The following EPHA5 variants were observed in gnomAD, a reference collection of about 807,000 sequenced individuals.
EPHA5 encodes ephrin type-A receptor 5.
EPHA5 carries 60 observed loss-of-function variants against 105.0 expected under a neutral mutation model. The ratio of observed to expected loss-of-function variants is 0.57; its 90% CI spans 0.46 to 0.71. The LOEUF (loss-of-function observed/expected upper bound fraction) is 0.71. EPHA5 is among the 30% of genes least tolerant of loss of function. The pLI is 0.00. For synonymous variants in EPHA5, 513 were observed against 449.1 expected (o/e 1.14, Z -1.80); for missense variants, 1,218 against 1,274.7 (o/e 0.96, Z 0.68).
rs1262868511 is a variant in EPHA5, at chr4:65,386,681, AT to A, written c.1793+17692del. Among the ~76,000 whole-genome samples, 9 of 152,114 alleles carry A rather than the reference AT, an allele frequency of 5.9e-5. No individual in the cohort carries two copies. The East Asian group carries it at 1.6e-3, about 26-fold the overall frequency. On this transcript the variant is annotated intron_variant, in intron 8 of 16. Coordinates refer to ENST00000613740, the MANE Select transcript of EPHA5 (RefSeq NM_001281766.3). ...TTTTAAAATATTTTTAATTGCTCAT[AT>A]AAATTTTATATTGTTATGTTAAGTA...
At chr4:65,468,613 T>A (rs1728976833) in intron 5 of EPHA5, among the ~76,000 whole-genome samples, 2 of 126,838 alleles carry the variant, frequency 1.6e-5, no homozygotes, top group African/African-American at 3.2e-5. Flanking sequence ...TTATATATAT[T>A]ATATATATAT....
chr4:65,575,217 G>T (rs2149385012), intron 3 of EPHA5, among the ~76,000 whole-genome samples: 1 of 152,200 alleles, frequency 6.6e-6, no homozygotes, highest in African/African-American at 2.4e-5. Flanking sequence ...TCCACTGAAA[G>T]TTGACAGACC....
At chr4:65,510,825 G>C (rs1733549902) in intron 3 of EPHA5, among the ~76,000 whole-genome samples, 3 of 152,178 alleles carry the variant, frequency 2.0e-5, no homozygotes, top group Admixed American at 6.5e-5. Flanking sequence ...TGCTAGACTT[G>C]TATATGATGC....
intron 1 of EPHA5, among the ~76,000 whole-genome samples, chr4:65,648,140 C>T (rs889699702): frequency 3.9e-5 from 6 of 152,122 alleles, no homozygotes; most frequent in Non-Finnish European, 8.8e-5. Context: ...GAGCAAAGAG[C>T]AAATAAATAA....
rs10155327 is a variant in EPHA5 at position 65,322,927 on chromosome 4, C to T, written c.*1187G>A. ...TGAGTCAAAATGGGAATGGTTACAA[C>T]GGATTAACACTTAAGGGTGATGCTT... is the stretch of plus-strand genomic sequence containing the variant. On this transcript the variant is annotated 3_prime_UTR_variant, in exon 17 of 17. Transcript: ENST00000613740. 22 of 228,780 alleles carry T rather than the reference C, an allele frequency of 9.6e-5. No individual in the cohort carries two copies. The highest frequency in any genetic ancestry group is 2.0e-4 in the African/African-American group (9 of 45,088). The allele number at this position is 228,780 out of a possible 1,614,324, so 14.2% of individuals were successfully genotyped here. A position where few individuals can be genotyped will look rare whatever the true frequency, so the allele number is the denominator to read the frequency against.
chr4:65,462,268 C>A (rs1463474307), intron 5 of EPHA5, among the ~76,000 whole-genome samples: 2 of 152,080 alleles, frequency 1.3e-5, no homozygotes, highest in African/African-American at 4.8e-5. Context: ...TGTCTTTCCC[C>A]TCAGTAAGAA....
intron 3 of EPHA5, among the ~76,000 whole-genome samples, chr4:65,584,836 T>C (rs1218887515): frequency 1.3e-5 from 2 of 152,012 alleles, no homozygotes; most frequent in Non-Finnish European, 2.9e-5. Flanking sequence ...AATCTTCCTA[T>C]TTAATTATTT....
intron 2 of EPHA5, among the ~76,000 whole-genome samples, chr4:65,614,956 C>T (rs1206923694): frequency 6.6e-6 from 1 of 151,574 alleles, no homozygotes; most frequent in Non-Finnish European, 1.5e-5. Flanking sequence ...AATCATCATA[C>T]AAGAGTTAAT....
At chr4:65,430,414 GA>G (rs140099315) in intron 5 of EPHA5, among the ~76,000 whole-genome samples, 5,053 of 152,020 alleles carry the variant, frequency 0.033, 89 homozygotes, top group Admixed American at 0.063. Flanking sequence ...TTTGCTTTGA[GA>G]ATTGTTTAAC....
chr4:65,439,440 C>T (rs915862960), intron 5 of EPHA5, among the ~76,000 whole-genome samples: 1 of 150,910 alleles, frequency 6.6e-6, no homozygotes, highest in Non-Finnish European at 1.5e-5. Context: ...CCACACCACC[C>T]CCCGCTGCCC....
chr4:65,643,144 G>A (rs994380343), intron 2 of EPHA5, among the ~76,000 whole-genome samples: 1 of 151,980 alleles, frequency 6.6e-6, no homozygotes, highest in Non-Finnish European at 1.5e-5. Context: ...AATACTCAGA[G>A]AGGAAATAAT....
intron 5 of EPHA5, among the ~76,000 whole-genome samples, chr4:65,455,247 A>G (rs1467378331): frequency 1.3e-5 from 2 of 152,072 alleles, no homozygotes; most frequent in Admixed American, 6.5e-5. Context: ...AGTAAAATAA[A>G]ATAAAATAAA....
At chr4:65,649,239 A>G (rs1748385293) in intron 1 of EPHA5, among the ~76,000 whole-genome samples, 1 of 152,234 alleles carries the variant, frequency 6.6e-6, no homozygotes, top group Non-Finnish European at 1.5e-5. Flanking sequence ...GTAACAGACC[A>G]TGAGCACTGC....
intron 3 of EPHA5, among the ~76,000 whole-genome samples, chr4:65,566,495 T>C (rs1434788182): frequency 6.6e-6 from 1 of 151,820 alleles, no homozygotes; most frequent in Non-Finnish European, 1.5e-5. Context: ...GCTAAATCAA[T>C]TTCACGCCCT....
intron 2 of EPHA5, among the ~76,000 whole-genome samples, chr4:65,639,838 T>C (rs1464554672): frequency 5.9e-5 from 9 of 152,202 alleles, no homozygotes; most frequent in Non-Finnish European, 8.8e-5. Flanking sequence ...TCCTTTCTTC[T>C]CTGTGCTCAA....
chr4:65,567,298 G>C (rs571239459), intron 3 of EPHA5, among the ~76,000 whole-genome samples: 1 of 151,526 alleles, frequency 6.6e-6, no homozygotes, highest in South Asian at 2.1e-4. Context: ...ATTCAACAAG[G>C]TTTCATCAGA....
At chr4:65,569,204 G>A (rs954806628) in intron 3 of EPHA5, among the ~76,000 whole-genome samples, 2 of 151,466 alleles carry the variant, frequency 1.3e-5, no homozygotes, top group African/African-American at 4.8e-5. Context: ...TGCTTTTTAA[G>A]TTGTTTAACC....
chr4:65,469,425 G>A (rs1317872416), intron 5 of EPHA5, among the ~76,000 whole-genome samples: 1 of 152,264 alleles, frequency 6.6e-6, no homozygotes, highest in East Asian at 1.9e-4. Context: ...AGTATGAGGT[G>A]TAAAATGATG....
intron 3 of EPHA5, among the ~76,000 whole-genome samples, chr4:65,546,774 A>G (rs1482229920): frequency 6.6e-6 from 1 of 152,116 alleles, no homozygotes; most frequent in Non-Finnish European, 1.5e-5. Context: ...TTCTACAAAA[A>G]AGAAATGTTG....
Sources: gnomAD v4.1 joint callset for allele counts (sites outside exome capture counted in the v4.1 genomes callset) on GRCh38, gnomAD v4.1.1 for gene constraint, MANE v1.5 for transcripts, NCBI Gene and HGNC (gene_info 2026-07-23, HGNC 2026-07-21) for gene names.